Variants in FARS2 observed in about 807,000 individuals in gnomAD.
FARS2 encodes the protein phenylalanyl-tRNA synthetase 2, mitochondrial.
FARS2 carries 40 observed loss-of-function variants against 46.4 expected under a neutral mutation model. That is an observed-to-expected ratio of 0.86 (90% CI 0.67 to 1.12). The LOEUF (loss-of-function observed/expected upper bound fraction) is 1.12, where lower values mean the gene tolerates loss of function less well. Ranked by LOEUF, FARS2 falls within the 50% of genes most tolerant of loss-of-function variation. The pLI, the probability that FARS2 is intolerant of heterozygous loss-of-function variation, is 0.00. For synonymous variants in FARS2, 234 were observed against 214.9 expected (o/e 1.09, Z -0.78); for missense variants, 513 against 567.9 (o/e 0.90, Z 0.98).
chr6:5,590,270 G>C (rs976931740), intron 5 of FARS2, among the ~76,000 whole-genome samples: 17 of 152,230 alleles, frequency 1.1e-4, no homozygotes, highest in Non-Finnish European at 2.1e-4. Flanking sequence ...GCTGGTAGCA[G>C]TGTTTCCCCA....
intron 6 of FARS2, among the ~76,000 whole-genome samples, chr6:5,737,848 G>A (rs950329065): frequency 6.6e-6 from 1 of 152,212 alleles, no homozygotes; most frequent in Non-Finnish European, 1.5e-5. Flanking sequence ...ACCGTGGCTT[G>A]CTTCCTAAGG....
At chr6:5,579,592 C>T (rs1773208332) in intron 5 of FARS2, among the ~76,000 whole-genome samples, 1 of 152,120 alleles carries the variant, frequency 6.6e-6, no homozygotes, top group Non-Finnish European at 1.5e-5. Flanking sequence ...GGTTTTAATG[C>T]CTGTTCTCTG....
chr6:5,493,181 C>G (rs1456586624), intron 4 of FARS2, among the ~76,000 whole-genome samples: 5 of 148,186 alleles, frequency 3.4e-5, no homozygotes, highest in Non-Finnish European at 7.4e-5. Context: ...TGCACTCCAG[C>G]CTGGGTGACA....
chr6:5,315,169 C>T (rs1769356774), intron 1 of FARS2, among the ~76,000 whole-genome samples: 1 of 152,142 alleles, frequency 6.6e-6, no homozygotes, highest in Admixed American at 6.5e-5. Context: ...AACAGCCTAT[C>T]TGGGTATTAT....
chr6:5,503,367 ATTC>A (rs200554140), intron 4 of FARS2, among the ~76,000 whole-genome samples: 1,849 of 137,114 alleles, frequency 0.013, 32 homozygotes, highest in African/African-American at 0.048. Flanking sequence ...GATTTTAGGT[ATTC>A]TTAACACACA....
At chr6:5,300,611 A>G (rs932520457) in intron 1 of FARS2, among the ~76,000 whole-genome samples, 4 of 152,046 alleles carry the variant, frequency 2.6e-5, no homozygotes, top group Non-Finnish European at 5.9e-5. Context: ...ACACTGTTGG[A>G]TGAGAGAGAC....
chr6:5,734,542 C>A (rs1475060240), intron 6 of FARS2, among the ~76,000 whole-genome samples: 1 of 152,168 alleles, frequency 6.6e-6, no homozygotes, highest in Non-Finnish European at 1.5e-5. Flanking sequence ...AGATCAGAAT[C>A]CCTCTCTGTA....
chr6:5,733,146 G>C (rs552767340), intron 6 of FARS2, among the ~76,000 whole-genome samples: 1 of 152,148 alleles, frequency 6.6e-6, no homozygotes, highest in African/African-American at 2.4e-5. Flanking sequence ...CTGCCTCTGC[G>C]GAGATTGAAA....
chr6:5,564,677 G>T (rs1184496170), intron 5 of FARS2, among the ~76,000 whole-genome samples: 1 of 152,158 alleles, frequency 6.6e-6, no homozygotes, highest in Non-Finnish European at 1.5e-5. Flanking sequence ...TTTTTACATA[G>T]ACCTTTTGGA....
chr6:5,683,220 G>A (rs1379899553), intron 6 of FARS2, among the ~76,000 whole-genome samples: 6 of 152,218 alleles, frequency 3.9e-5, no homozygotes, highest in African/African-American at 1.2e-4. Context: ...TGGACTGGGA[G>A]GGCGGGCACA....
At chr6:5,732,990 C>A (rs1455034060) in intron 6 of FARS2, among the ~76,000 whole-genome samples, 1 of 152,146 alleles carries the variant, frequency 6.6e-6, no homozygotes, top group Non-Finnish European at 1.5e-5. Flanking sequence ...TGGTGCCCAA[C>A]CCAACCTCAC....
At chr6:5,670,058 T>G (rs973993909) in intron 6 of FARS2, among the ~76,000 whole-genome samples, 25 of 152,234 alleles carry the variant, frequency 1.6e-4, no homozygotes, top group African/African-American at 5.5e-4. Context: ...ATATTTTCTT[T>G]CGTAGGCCTC....
intron 4 of FARS2, among the ~76,000 whole-genome samples, chr6:5,523,066 G>A (rs962822039): frequency 6.6e-5 from 10 of 152,206 alleles, no homozygotes; most frequent in African/African-American, 2.4e-4. Flanking sequence ...GGACTCAGCG[G>A]AAGTAAACTT....
At chr6:5,406,312 G>A (rs1016879388) in intron 3 of FARS2, among the ~76,000 whole-genome samples, 4 of 152,206 alleles carry the variant, frequency 2.6e-5, no homozygotes, top group Admixed American at 6.5e-5. Context: ...GAACATACTC[G>A]CACAGTCTTA....
At chr6:5,446,539 A>G (rs1196238135) in intron 4 of FARS2, among the ~76,000 whole-genome samples, 1 of 152,158 alleles carries the variant, frequency 6.6e-6, no homozygotes, top group Non-Finnish European at 1.5e-5. Flanking sequence ...GGGGACTTCC[A>G]GTCCAGTGGT....
chr6:5,613,246 C>G lies in FARS2; in HGVS notation c.1143C>G (p.Phe381Leu). 6.2e-7 allele frequency: 1 copy of G among 1,613,376 alleles called. No homozygotes were observed. The highest frequency in any genetic ancestry group is 1.1e-5 in the South Asian group (1 of 91,052). Residue 381 changes from phenylalanine (F) to leucine (L), a missense_variant, in exon 6 of 7, where the codon TTC becomes TTG. Physicochemically the swap from Phe to Leu is conservative, Grantham distance 22 (BLOSUM62 0). Transcript: ENST00000274680. The stretch of plus-strand genomic sequence containing the variant: ...CTGAGAATTACGCAGAAAATGATTT[C>G]TATGACTTAGTCCGAACAATTGGAG... ...LPSENYAEND[F>L]YDLVRTIGGD...
intron 6 of FARS2, among the ~76,000 whole-genome samples, chr6:5,627,652 A>G (rs1162257866): frequency 6.6e-6 from 1 of 152,258 alleles, no homozygotes; most frequent in Non-Finnish European, 1.5e-5. Flanking sequence ...CTGAGTTACT[A>G]TCAATTACTG....
At chr6:5,470,499 G>A (rs9392081) in intron 4 of FARS2, among the ~76,000 whole-genome samples, 27,596 of 152,098 alleles carry the variant, frequency 0.18, 3,451 homozygotes, top group African/African-American at 0.36. Flanking sequence ...ATTTCCAGAT[G>A]TATACATGTT....
intron 4 of FARS2, among the ~76,000 whole-genome samples, chr6:5,464,890 CAA>C (rs1404813239): frequency 6.6e-6 from 1 of 152,160 alleles, no homozygotes; most frequent in Non-Finnish European, 1.5e-5. Context: ...CATCTTTCTA[CAA>C]AGAGGATGAA....
Sources: allele counts gnomAD v4.1 joint callset (sites outside exome capture counted in the v4.1 genomes callset), GRCh38; gene constraint gnomAD v4.1.1; transcripts MANE v1.5; gene names NCBI Gene and HGNC (gene_info 2026-07-23, HGNC 2026-07-21).